The following WSCD2 variants were observed in gnomAD, a reference collection of about 807,000 sequenced individuals.
WSCD2 encodes the protein WSC domain sialate O sulfotransferase 2.
A neutral mutation model predicts 55.7 loss-of-function variants in WSCD2; 28 were observed. The ratio of observed to expected loss-of-function variants is 0.50; its 90% CI spans 0.37 to 0.69. The LOEUF is 0.69. Ranked by LOEUF, WSCD2 falls within the 30% of genes least tolerant of loss-of-function variation. WSCD2 has a pLI of 0.00. For missense variants in WSCD2, 616 were observed against 762.1 expected, an observed-to-expected ratio of 0.81 and a Z score of 2.26; for synonymous variants, 301 against 301.9, an observed-to-expected ratio of 1.00 and a Z score of 0.03.
rs991908310 is a variant in WSCD2, at chr12:108,129,492, G to A, written c.-986G>A. ...CTCCATCCCCGGGGCGGGTGCCCGC[G>A]CGGGGCCTCGCCGCGGCTCGGGGCA... On this transcript the variant is annotated 5_prime_UTR_variant, in exon 1 of 9. Transcript: ENST00000547525. 6.6e-6 allele frequency: 1 copy of A among 151,480 alleles called. No homozygotes were observed. 9.4% of individuals were successfully genotyped at this position (151,480 alleles called of 1,614,324 possible).
At chr12:108,233,691 G>A (rs1457425270) in intron 7 of WSCD2, among the ~76,000 whole-genome samples, 1 of 152,132 alleles carries the variant, frequency 6.6e-6, no homozygotes, top group Non-Finnish European at 1.5e-5. Context: ...GCATTCTAGT[G>A]TTTCCCAGTT....
chr12:108,178,258 G>C (rs1167586159), intron 1 of WSCD2, among the ~76,000 whole-genome samples: 1 of 152,042 alleles, frequency 6.6e-6, no homozygotes, highest in Non-Finnish European at 1.5e-5. Context: ...GGATGTATCT[G>C]TCCTGATTTC....
chr12:108,202,262 T>G (rs925085004), intron 2 of WSCD2, among the ~76,000 whole-genome samples: 1 of 152,192 alleles, frequency 6.6e-6, no homozygotes, highest in African/African-American at 2.4e-5. Flanking sequence ...GGAAGGAAAC[T>G]GACTCAATAT....
At chr12:108,246,362 T>C (rs1890081688) in intron 8 of WSCD2, among the ~76,000 whole-genome samples, 1 of 152,246 alleles carries the variant, frequency 6.6e-6, no homozygotes, top group African/African-American at 2.4e-5. Flanking sequence ...AACAGAGTTC[T>C]TCTGTTGCCT....
At chr12:108,191,782 G>A (rs928232208) in intron 1 of WSCD2, among the ~76,000 whole-genome samples, 2 of 152,130 alleles carry the variant, frequency 1.3e-5, no homozygotes, top group Non-Finnish European at 2.9e-5. Context: ...GGATGCTGTG[G>A]GATGGCTCAG....
In WSCD2 at chr12:108,189,043, C is replaced by T. The variant is rs1175192216; in HGVS notation, c.-551-6239C>T. 2.0e-5 allele frequency among the ~76,000 whole-genome samples: 3 copies of T among 152,030 alleles called. No individual in the cohort carries two copies. The East Asian group carries it at 5.8e-4, about 29-fold the overall frequency. On this transcript the variant is annotated intron_variant, in intron 1 of 8. Transcript: ENST00000547525. ...ATACAGGATGTTTATCATAGCGTTA[C>T]TTATTTATAAAAGAGGGAAGACTGG...
At chr12:108,216,291 G>C (rs1414018808) in intron 4 of WSCD2, among the ~76,000 whole-genome samples, 2 of 152,196 alleles carry the variant, frequency 1.3e-5, no homozygotes, top group Non-Finnish European at 2.9e-5. Context: ...ATAGGTTGCT[G>C]TGAGGATTAA....
chr12:108,248,767 G>A lies in WSCD2; in HGVS notation c.*424G>A. On this transcript the variant is annotated 3_prime_UTR_variant, in exon 9 of 9. Coordinates refer to ENST00000547525, the MANE Select transcript of WSCD2 (RefSeq NM_014653.4). This position sits in a 1 kb window ranked among gnomAD's most constrained non-coding sequence, Gnocchi z 4.3. ...TGTAAAAACTTGGCCCCAGATGCTT[G>A]TCCCTTCTGGGCTGAGATTTCGCAG... 3 of 996,482 alleles carry A rather than the reference G, an allele frequency of 3.0e-6. No individual in the cohort carries two copies. Among genetic ancestry groups the A allele is most frequent in the Non-Finnish European group, 2.4e-6 (2 of 835,464 alleles). 61.7% of individuals were successfully genotyped at this position (996,482 alleles called of 1,614,324 possible).
At chr12:108,191,554 T>C (rs1187064698) in intron 1 of WSCD2, among the ~76,000 whole-genome samples, 1 of 152,180 alleles carries the variant, frequency 6.6e-6, no homozygotes, top group Non-Finnish European at 1.5e-5. Flanking sequence ...GGATTTACAG[T>C]TCTCCAAGGC....
chr12:108,232,659 A>G (rs1194288522), intron 6 of WSCD2, 72 bp from the exon 7 acceptor site: 2 of 1,461,924 alleles, frequency 1.4e-6, no homozygotes, highest in Non-Finnish European at 1.8e-6. Context: ...GGTGTGACTC[A>G]TACCCTGGCC....
chr12:108,203,114 C>A (rs1884915308), intron 2 of WSCD2, among the ~76,000 whole-genome samples: 1 of 152,216 alleles, frequency 6.6e-6, no homozygotes, highest in Admixed American at 6.5e-5. Flanking sequence ...TGGACTCGGG[C>A]AAGTTGCTAA....
intron 2 of WSCD2, among the ~76,000 whole-genome samples, chr12:108,203,399 A>T (rs961981073): frequency 6.6e-6 from 1 of 152,164 alleles, no homozygotes; most frequent in Non-Finnish European, 1.5e-5. Context: ...CTGGGGTTAT[A>T]GCACCTGGGA....
intron 1 of WSCD2, among the ~76,000 whole-genome samples, chr12:108,144,904 C>T (rs1041759896): frequency 1.3e-5 from 2 of 152,188 alleles, no homozygotes; most frequent in Non-Finnish European, 2.9e-5. Context: ...TCGCACAACT[C>T]GGACATGGCA....
intron 1 of WSCD2, among the ~76,000 whole-genome samples, chr12:108,159,035 C>A (rs1046072330): frequency 2.0e-5 from 3 of 152,216 alleles, no homozygotes; most frequent in Non-Finnish European, 2.9e-5. Flanking sequence ...TGGTTAAAGA[C>A]CTTCTGTGGC....
intron 4 of WSCD2, among the ~76,000 whole-genome samples, chr12:108,214,122 C>A (rs562461143): frequency 6.6e-6 from 1 of 152,342 alleles, no homozygotes; most frequent in South Asian, 2.1e-4. Flanking sequence ...TGAGCGAACA[C>A]TCCAGCAAAC....
chr12:108,151,219 T>C (rs1308700187), intron 1 of WSCD2, among the ~76,000 whole-genome samples: 1 of 152,120 alleles, frequency 6.6e-6, no homozygotes, highest in Non-Finnish European at 1.5e-5. Context: ...GATAATTTCT[T>C]TCTGCGGGTG....
At position 108,248,277 on chromosome 12, in the gene WSCD2, G is replaced by A; in HGVS notation, c.1632G>A (p.Lys544=). 6.2e-7 allele frequency: 1 copy of A among 1,614,236 alleles called. No individual in the cohort carries two copies. Among genetic ancestry groups the A allele is most frequent in the Non-Finnish European group, 8.5e-7 (1 of 1,180,050 alleles). ...AGAAGACCATCTCTGCCTACATCAA[G>A]ATGGTGGATGCAGCCCTCAAAGGGC... ...DMQKTISAYI[K]MVDAALKGRN... is the part of the protein sequence containing the mutation. Residue 544 remains lysine, a synonymous_variant, in exon 9 of 9, where the codon AAG becomes AAA. Transcript: ENST00000547525. The surrounding 1 kb of genome is among the most constrained non-coding windows in gnomAD (Gnocchi z 4.3).
At chr12:108,178,004 A>C (rs181886947) in intron 1 of WSCD2, among the ~76,000 whole-genome samples, 208 of 152,164 alleles carry the variant, frequency 1.4e-3, no homozygotes, top group Middle Eastern at 3.4e-3. Flanking sequence ...GGAAAAGGAA[A>C]TGTTGAGGTC....
At chr12:108,151,322 T>C (rs1877979810) in intron 1 of WSCD2, among the ~76,000 whole-genome samples, 1 of 152,054 alleles carries the variant, frequency 6.6e-6, no homozygotes, top group African/African-American at 2.4e-5. Context: ...ATCATGACAA[T>C]AAAAATGTCT....
Sources: allele counts gnomAD v4.1 joint callset (sites outside exome capture counted in the v4.1 genomes callset), GRCh38; gene constraint gnomAD v4.1.1; non-coding constraint Gnocchi (gnomAD v3.1); transcripts MANE v1.5; gene names NCBI Gene and HGNC (gene_info 2026-07-23, HGNC 2026-07-21).